The following EYS variants were observed in gnomAD, a reference collection of about 807,000 sequenced individuals.
EYS encodes the protein EGF-like photoreceptor maintenance factor.
EYS carries 250 observed loss-of-function variants against 282.1 expected under a neutral mutation model. The ratio of observed to expected loss-of-function variants is 0.89; its 90% confidence interval spans 0.80 to 0.98. The LOEUF is 0.98. Among genes scored for constraint, EYS ranks in the 50% least tolerant of loss-of-function variants. The pLI is 0.00. For missense variants in EYS, 4,016 were observed against 3,709.0 expected, an observed-to-expected ratio of 1.08 and a Z score of -2.15; for synonymous variants, 1,355 against 1,282.9, an observed-to-expected ratio of 1.06 and a Z score of -1.20.
chr6:65,411,096 G>A (rs1374732133), intron 5 of EYS, among the ~76,000 whole-genome samples: 1 of 151,976 alleles, frequency 6.6e-6, no homozygotes, highest in East Asian at 1.9e-4. Context: ...TCTTTTCACA[G>A]CAATACTTGC....
chr6:65,352,509 T>G (rs544257110), intron 9 of EYS, among the ~76,000 whole-genome samples: 1 of 151,880 alleles, frequency 6.6e-6, no homozygotes, highest in African/African-American at 2.4e-5. Context: ...AAATTGAAAC[T>G]CTATAATATA....
intron 33 of EYS, among the ~76,000 whole-genome samples, chr6:64,053,678 A>G (rs960039631): frequency 1.3e-5 from 2 of 152,204 alleles, no homozygotes; most frequent in African/African-American, 4.8e-5. Context: ...AAGTATGCTT[A>G]GACAATAGTA....
At chr6:64,163,577 G>A (rs1330246261) in intron 31 of EYS, among the ~76,000 whole-genome samples, 1 of 149,926 alleles carries the variant, frequency 6.7e-6, no homozygotes, top group Admixed American at 6.6e-5. Flanking sequence ...TTACTAAGAG[G>A]TTTTGAGAAA....
intron 2 of EYS, among the ~76,000 whole-genome samples, chr6:65,594,488 A>T (rs981968970): frequency 2.6e-5 from 4 of 151,972 alleles, no homozygotes; most frequent in Non-Finnish European, 4.4e-5. Context: ...TTTGCAGTAG[A>T]GACATTTTCC....
At chr6:65,468,308 T>G (rs1765082035) in intron 5 of EYS, among the ~76,000 whole-genome samples, 3 of 152,128 alleles carry the variant, frequency 2.0e-5, no homozygotes, top group Admixed American at 2.0e-4. Context: ...TCATGCTTTT[T>G]GGGGCAAGAA....
rs565327893 is a variant in EYS, at chr6:64,904,167, G to A, written c.2642-1667C>T. Among the ~76,000 whole-genome samples the A allele has an allele frequency of 1.3e-3, 200 of 152,262 alleles. 4 individuals are homozygous for A. In the South Asian group the frequency reaches 0.02, roughly 15 times the overall value. ...AAAAGATGGAATGATCACACACTATGAAACACTAATTGTAAGTAAGCTGCC... is the reference window on the plus strand; with the variant it reads ...AAAAGATGGAATGATCACACACTATAAAACACTAATTGTAAGTAAGCTGCC... On this transcript the variant is annotated intron_variant, in intron 16 of 42. Coordinates refer to ENST00000503581, the MANE Select transcript of EYS (RefSeq NM_001142800.2).
chr6:63,856,015 GT>G (rs35464160), intron 36 of EYS, among the ~76,000 whole-genome samples: 10,101 of 138,278 alleles, frequency 0.073, 899 homozygotes, highest in African/African-American at 0.22. Context: ...TTTCAGTGAA[GT>G]TTTTTTTTTT....
At chr6:65,519,105 A>G (rs990203359) in intron 2 of EYS, among the ~76,000 whole-genome samples, 3 of 152,072 alleles carry the variant, frequency 2.0e-5, no homozygotes, top group Non-Finnish European at 4.4e-5. Context: ...CCTCTCTTTC[A>G]TTGTGTTTGA....
chr6:65,384,365 G>A, intron 8 of EYS, 21 bp downstream of exon 8: 3 of 1,326,086 alleles, frequency 2.3e-6, no homozygotes, highest in Non-Finnish European at 3.3e-6. Flanking sequence ...AACTTATGTT[G>A]CCATGTATTA....
intron 8 of EYS, among the ~76,000 whole-genome samples, chr6:65,379,110 A>G (rs1208635444): frequency 6.6e-6 from 1 of 152,176 alleles, no homozygotes; most frequent in Non-Finnish European, 1.5e-5. Context: ...TCCCTAACTC[A>G]TTTTATGAGT....
At chr6:65,629,528 C>T (rs965063901) in intron 2 of EYS, among the ~76,000 whole-genome samples, 5 of 152,142 alleles carry the variant, frequency 3.3e-5, no homozygotes, top group Non-Finnish European at 5.9e-5. Flanking sequence ...GATGCCAACC[C>T]GAAAACCCCA....
intron 22 of EYS, among the ~76,000 whole-genome samples, chr6:64,767,675 C>T (rs981885360): frequency 7.2e-5 from 11 of 151,986 alleles, no homozygotes; most frequent in African/African-American, 1.7e-4. Flanking sequence ...TGTCTTTATT[C>T]GTTCATCTGT....
intron 24 of EYS, among the ~76,000 whole-genome samples, chr6:64,608,556 G>A (rs1050107329): frequency 1.1e-4 from 16 of 152,252 alleles, no homozygotes; most frequent in Admixed American, 3.3e-4. Context: ...GTGAGTGTGT[G>A]CCTCGATGTA....
rs1046523149 is a variant in EYS at position 63,733,100 on chromosome 6, C to T, written c.8072-6420G>A. Among the ~76,000 whole-genome samples the T allele has an allele frequency of 2.0e-5, 3 of 151,902 alleles. No homozygotes were observed. In the South Asian group the frequency reaches 6.2e-4, roughly 32 times the overall value. On this transcript the variant is annotated intron_variant, in intron 41 of 42. Coordinates refer to ENST00000503581, the MANE Select transcript of EYS (RefSeq NM_001142800.2). Reference sequence around the variant, plus strand: ...AACCCTGGGGTGATAGGGTTCCTACCATGATTAAAGAACAGGAAGGAGGGC... The same window carrying T: ...AACCCTGGGGTGATAGGGTTCCTACTATGATTAAAGAACAGGAAGGAGGGC...
Position 64,568,282 on chromosome 6 carries a change from C to T in EYS, c.5644+21941G>A, listed in dbSNP as rs780349485. Among the ~76,000 whole-genome samples the T allele has an allele frequency of 3.3e-5, 5 of 151,792 alleles. No individual in the cohort carries two copies. The East Asian group carries it at 7.7e-4, about 23-fold the overall frequency. On this transcript the variant is annotated intron_variant, in intron 26 of 42. Transcript: ENST00000503581. ...AAATGTGAGCAGAGGAAAGTAAGAC[C>T]CATGATGGACAAGAAGGCCTAGGAA...
At chr6:65,255,654 A>T in intron 12 of EYS, among the ~76,000 whole-genome samples, 1 of 152,144 alleles carries the variant, frequency 6.6e-6, no homozygotes, top group Non-Finnish European at 1.5e-5. Flanking sequence ...GAGCTCAAAT[A>T]ACAGGAAAAA....
At chr6:65,183,447 G>A (rs570484826) in intron 12 of EYS, among the ~76,000 whole-genome samples, 1 of 151,776 alleles carries the variant, frequency 6.6e-6, no homozygotes, top group African/African-American at 2.4e-5. Flanking sequence ...AGTTTCTAAA[G>A]GATCTTCTTT....
In EYS at chr6:64,721,206, A is replaced by G. The variant is rs536629230; in HGVS notation, c.3443+92172T>C. On this transcript the variant is annotated intron_variant, in intron 22 of 42. Coordinates refer to ENST00000503581, the MANE Select transcript of EYS (RefSeq NM_001142800.2). ...AATTCAATAAGATAGCTGAGCAGTA[A>G]GTAAATAAATAATAAAACAAGGACA... Among the ~76,000 whole-genome samples the G allele has an allele frequency of 2.6e-5, 4 of 152,298 alleles. 1 individual carries two copies. In the South Asian group the frequency reaches 8.3e-4, roughly 32 times the overall value.
intron 33 of EYS, among the ~76,000 whole-genome samples, chr6:64,053,585 A>G (rs1770884207): frequency 6.6e-6 from 1 of 152,150 alleles, no homozygotes; most frequent in South Asian, 2.1e-4. Context: ...CTTTAAAATA[A>G]GTATAATAGT....
Sources: allele counts gnomAD v4.1 joint callset (sites outside exome capture counted in the v4.1 genomes callset), GRCh38; gene constraint gnomAD v4.1.1; transcripts MANE v1.5; gene names NCBI Gene and HGNC (gene_info 2026-07-23, HGNC 2026-07-21).